CHSY3: variants seen among roughly 807,000 people sequenced by gnomAD.
CHSY3 encodes the protein N-acetylgalactosaminyl-proteoglycan 3-beta-glucuronosyltransferase 3.
A neutral mutation model predicts 67.2 loss-of-function variants in CHSY3; 35 were observed. That is an observed-to-expected ratio of 0.52 (90% CI 0.40 to 0.69). The LOEUF is 0.69. Among genes scored for constraint, CHSY3 ranks in the 30% least tolerant of loss-of-function variants. The pLI is 0.00. For synonymous variants in CHSY3, 474 were observed against 434.7 expected, an observed-to-expected ratio of 1.09 and a Z score of -1.12; for missense variants, 1,069 against 1,138.5, an observed-to-expected ratio of 0.94 and a Z score of 0.88.
chr5:130,061,892 CAA>C (rs145716348), intron 2 of CHSY3, among the ~76,000 whole-genome samples: 8 of 142,650 alleles, frequency 5.6e-5, no homozygotes, highest in African/African-American at 1.8e-4. Context: ...ATTAAAAAGT[CAA>C]AAAAAAAACA....
chr5:129,946,055 A>G (rs1230471948), intron 2 of CHSY3, among the ~76,000 whole-genome samples: 1 of 152,198 alleles, frequency 6.6e-6, no homozygotes, highest in Admixed American at 6.5e-5. Flanking sequence ...GCACAGAAGC[A>G]CAACTGCACT....
chr5:130,009,773 C>T (rs1266661620), intron 2 of CHSY3, among the ~76,000 whole-genome samples: 1 of 152,030 alleles, frequency 6.6e-6, no homozygotes, highest in African/African-American at 2.4e-5. Context: ...CACCCATAGG[C>T]TCAAAGTAAA....
chr5:129,921,246 C>G (rs1208314118), intron 2 of CHSY3, among the ~76,000 whole-genome samples: 2 of 152,130 alleles, frequency 1.3e-5, no homozygotes, highest in Non-Finnish European at 2.9e-5. Flanking sequence ...TTAAGTAAAA[C>G]ATGTACTATG....
At chr5:130,158,993 GT>G (rs1452440270) in intron 2 of CHSY3, among the ~76,000 whole-genome samples, 3 of 152,092 alleles carry the variant, frequency 2.0e-5, no homozygotes, top group East Asian at 1.9e-4. Flanking sequence ...TAGAGACGCA[GT>G]TTCACCATGT....
At chr5:130,183,595 G>A (rs778371727) in intron 2 of CHSY3, among the ~76,000 whole-genome samples, 39 of 152,190 alleles carry the variant, frequency 2.6e-4, no homozygotes, top group Non-Finnish European at 4.4e-4. Flanking sequence ...TGGGGTTATG[G>A]ACACAGTCAA....
intron 2 of CHSY3, among the ~76,000 whole-genome samples, chr5:130,133,249 G>A (rs1768538633): frequency 6.6e-6 from 1 of 152,108 alleles, no homozygotes; most frequent in African/African-American, 2.4e-5. Flanking sequence ...TACATTCTCA[G>A]TCATCTATGA....
intron 2 of CHSY3, among the ~76,000 whole-genome samples, chr5:130,102,363 T>A (rs897618407): frequency 1.3e-5 from 2 of 152,078 alleles, no homozygotes; most frequent in Non-Finnish European, 2.9e-5. Context: ...TTGTCATTAG[T>A]CTTGAATACT....
At chr5:130,090,723 A>G (rs1468516578) in intron 2 of CHSY3, among the ~76,000 whole-genome samples, 1 of 152,178 alleles carries the variant, frequency 6.6e-6, no homozygotes, top group African/African-American at 2.4e-5. Flanking sequence ...CACACAGATA[A>G]CATGAGTTTG....
intron 1 of CHSY3, among the ~76,000 whole-genome samples, chr5:129,906,742 C>G (rs1446697715): frequency 6.6e-6 from 1 of 152,182 alleles, no homozygotes; most frequent in East Asian, 1.9e-4. Context: ...CCTTGCTTCC[C>G]GGTCAAAGGG....
At chr5:129,915,104 T>C (rs1242775943) in intron 2 of CHSY3, among the ~76,000 whole-genome samples, 2 of 152,188 alleles carry the variant, frequency 1.3e-5, no homozygotes, top group Non-Finnish European at 2.9e-5. Flanking sequence ...TACAGAGAAA[T>C]ATATTCTACT....
intron 1 of CHSY3, among the ~76,000 whole-genome samples, chr5:129,906,258 T>C (rs996562909): frequency 6.6e-6 from 1 of 152,036 alleles, no homozygotes; most frequent in Non-Finnish European, 1.5e-5. Context: ...GCCAGCGCGC[T>C]GCTCCTTCCA....
At chr5:130,180,555 T>C (rs1408890861) in intron 2 of CHSY3, among the ~76,000 whole-genome samples, 1 of 152,172 alleles carries the variant, frequency 6.6e-6, no homozygotes, top group Non-Finnish European at 1.5e-5. Context: ...TTTAATATTT[T>C]AAAGTTTCTC....
chr5:130,173,010 CTTATAT>C (rs1173787507), intron 2 of CHSY3, among the ~76,000 whole-genome samples: 1 of 152,022 alleles, frequency 6.6e-6, no homozygotes, highest in Non-Finnish European at 1.5e-5. Flanking sequence ...TTTCAGAAAA[CTTATAT>C]TTATGACAAC....
At position 130,069,070 on chromosome 5, in the gene CHSY3, T is replaced by C. The variant is rs543838198; in HGVS notation, c.1087-115159T>C. Among the ~76,000 whole-genome samples, 6 of 152,218 alleles carry C rather than the reference T, an allele frequency of 3.9e-5. No individual in the cohort carries two copies. In the South Asian group the frequency reaches 1.0e-3, roughly 26 times the overall value. On this transcript the variant is annotated intron_variant, in intron 2 of 2. Transcript: ENST00000305031. ...AGGTTACCCAGGGTTCAATTACCTGTAAATCCCATTAGCTGAGGTTGAAAA... is the reference window on the plus strand; with the variant it reads ...AGGTTACCCAGGGTTCAATTACCTGCAAATCCCATTAGCTGAGGTTGAAAA...
At chr5:130,130,440 C>T (rs1768444843) in intron 2 of CHSY3, among the ~76,000 whole-genome samples, 1 of 152,148 alleles carries the variant, frequency 6.6e-6, no homozygotes, top group South Asian at 2.1e-4. Flanking sequence ...ATGCCACAGA[C>T]ATTTTATCTT....
chr5:130,171,514 G>A (rs1769892995), intron 2 of CHSY3, among the ~76,000 whole-genome samples: 1 of 152,132 alleles, frequency 6.6e-6, no homozygotes, highest in Non-Finnish European at 1.5e-5. Context: ...ATACTCTGCT[G>A]AGAAATCTAT....
chr5:129,996,897 T>G (rs938199282), intron 2 of CHSY3, among the ~76,000 whole-genome samples: 3 of 152,202 alleles, frequency 2.0e-5, no homozygotes, highest in African/African-American at 7.2e-5. Context: ...AGAAGATATA[T>G]TATTTCACTT....
chr5:130,146,039 G>A (rs1430414965), intron 2 of CHSY3, among the ~76,000 whole-genome samples: 1 of 152,074 alleles, frequency 6.6e-6, no homozygotes, highest in African/African-American at 2.4e-5. Flanking sequence ...ATAACAGTAT[G>A]GAGATTCCTC....
intron 2 of CHSY3, among the ~76,000 whole-genome samples, chr5:130,078,038 A>T (rs987490975): frequency 6.6e-6 from 1 of 152,076 alleles, no homozygotes; most frequent in African/African-American, 2.4e-5. Flanking sequence ...GTATTACAAT[A>T]CTTTGAAGTA....
Sources: allele counts gnomAD v4.1 joint callset (sites outside exome capture counted in the v4.1 genomes callset), GRCh38; gene constraint gnomAD v4.1.1; transcripts MANE v1.5; gene names NCBI Gene and HGNC (gene_info 2026-07-23, HGNC 2026-07-21).